HTR7: variants seen among roughly 807,000 people sequenced by gnomAD.
The protein encoded by HTR7 is 5-hydroxytryptamine receptor 7.
A neutral mutation model predicts 34.0 loss-of-function variants in HTR7; 16 were observed. The ratio of observed to expected loss-of-function variants is 0.47; its 90% CI spans 0.32 to 0.71. The LOEUF (loss-of-function observed/expected upper bound fraction) is 0.71. Ranked by LOEUF, HTR7 falls within the 30% of genes least tolerant of loss-of-function variation. The pLI, the probability that HTR7 is intolerant of heterozygous loss-of-function variation, is 0.04. For synonymous variants in HTR7, 265 were observed against 260.2 expected (o/e 1.02, Z -0.18); for missense variants, 504 against 625.5 (o/e 0.81, Z 2.07).
Position 90,771,977 on chromosome 10 carries a change from A to T in HTR7, c.540-22383T>A, listed in dbSNP as rs11186304. Among the ~76,000 whole-genome samples the T allele has an allele frequency of 4.1e-4, 62 of 152,356 alleles. No homozygotes were observed. The East Asian group carries it at 0.011, about 27-fold the overall frequency. ...ACCTAACTTTCAAGGTAAATTTTTT[A>T]AAATAACTTTTTTTTTAGGAAAAAA... is the stretch of plus-strand genomic sequence containing the variant. On this transcript the variant is annotated intron_variant, in intron 1 of 3. Transcript: ENST00000336152.
chr10:90,813,182 G>A (rs886805945), intron 1 of HTR7, among the ~76,000 whole-genome samples: 4 of 151,992 alleles, frequency 2.6e-5, no homozygotes, highest in Admixed American at 6.6e-5. Context: ...GACTTAGCCC[G>A]CCTGCACCCA....
intron 1 of HTR7, among the ~76,000 whole-genome samples, chr10:90,766,586 G>A (rs1845028740): frequency 6.6e-6 from 1 of 152,164 alleles, no homozygotes. Flanking sequence ...TTTTCTGCCT[G>A]TTTTGTAGTT....
chr10:90,822,612 A>G (rs1846002124), intron 1 of HTR7, among the ~76,000 whole-genome samples: 1 of 152,246 alleles, frequency 6.6e-6, no homozygotes, highest in Non-Finnish European at 1.5e-5. Context: ...AAGGAATTTG[A>G]GTTGGTTGCA....
At chr10:90,813,856 C>T (rs1264965533) in intron 1 of HTR7, among the ~76,000 whole-genome samples, 1 of 152,164 alleles carries the variant, frequency 6.6e-6, no homozygotes, top group African/African-American at 2.4e-5. Flanking sequence ...GGTGGGACGA[C>T]CAGCTTCCTC....
chr10:90,816,541 T>C (rs1589464190), intron 1 of HTR7, among the ~76,000 whole-genome samples: 1 of 152,232 alleles, frequency 6.6e-6, no homozygotes, highest in African/African-American at 2.4e-5. Flanking sequence ...CTTCATGATG[T>C]TTTTAGTTAG....
intron 1 of HTR7, among the ~76,000 whole-genome samples, chr10:90,788,052 C>G (rs552349708): frequency 1.3e-5 from 2 of 152,186 alleles, no homozygotes; most frequent in South Asian, 4.2e-4. Context: ...TTAAATTACC[C>G]TTACCCTGAG....
intron 1 of HTR7, among the ~76,000 whole-genome samples, chr10:90,820,499 C>T (rs1845962714): frequency 6.6e-6 from 1 of 152,120 alleles, no homozygotes; most frequent in Non-Finnish European, 1.5e-5. Flanking sequence ...AAGAAATGTG[C>T]CTTCTAGTAA....
intron 1 of HTR7, among the ~76,000 whole-genome samples, chr10:90,822,187 T>C (rs1383434754): frequency 6.6e-6 from 1 of 152,182 alleles, no homozygotes; most frequent in East Asian, 1.9e-4. Flanking sequence ...GTAGGAAAGT[T>C]TGGAACTTCC....
At chr10:90,799,108 T>A (rs909134790) in intron 1 of HTR7, among the ~76,000 whole-genome samples, 8 of 152,222 alleles carry the variant, frequency 5.3e-5, no homozygotes, top group South Asian at 2.1e-4. Context: ...ACCATATAGA[T>A]TGATAAACTG....
intron 1 of HTR7, among the ~76,000 whole-genome samples, chr10:90,797,135 G>A (rs1845552943): frequency 6.6e-6 from 1 of 152,074 alleles, no homozygotes; most frequent in Non-Finnish European, 1.5e-5. Flanking sequence ...AATTTTCTAG[G>A]ATTATTTCTC....
At chr10:90,837,174 C>T (rs535737242) in intron 1 of HTR7, among the ~76,000 whole-genome samples, 4 of 152,280 alleles carry the variant, frequency 2.6e-5, no homozygotes, top group Admixed American at 6.5e-5. Context: ...ATTAATCAGA[C>T]GTGGTCTTGA....
intron 1 of HTR7, among the ~76,000 whole-genome samples, chr10:90,789,968 T>C (rs1189634875): frequency 1.3e-5 from 2 of 152,178 alleles, no homozygotes; most frequent in African/African-American, 2.4e-5. Flanking sequence ...TTCATTTCAT[T>C]ATTTCATTTC....
intron 1 of HTR7, among the ~76,000 whole-genome samples, chr10:90,805,803 A>G (rs1271014667): frequency 1.3e-5 from 2 of 152,224 alleles, no homozygotes; most frequent in African/African-American, 4.8e-5. Flanking sequence ...AAGCACTCTA[A>G]TCAATAGGCT....
chr10:90,795,369 G>A (rs538864996), intron 1 of HTR7, among the ~76,000 whole-genome samples: 21 of 152,172 alleles, frequency 1.4e-4, no homozygotes, highest in African/African-American at 2.9e-4. Flanking sequence ...TTATACGTAC[G>A]GAAAAAAATT....
chr10:90,790,827 T>G (rs962547331), intron 1 of HTR7, among the ~76,000 whole-genome samples: 1 of 151,426 alleles, frequency 6.6e-6, no homozygotes, highest in South Asian at 2.1e-4. Context: ...GAAAGGGAGA[T>G]TGAGGGAGAG....
chr10:90,836,029 G>A (rs971980491), intron 1 of HTR7, among the ~76,000 whole-genome samples: 4 of 152,070 alleles, frequency 2.6e-5, no homozygotes, highest in African/African-American at 9.7e-5. Flanking sequence ...CTCCCCATTC[G>A]CTAAAACATT....
At chr10:90,837,344 A>G (rs1238839588) in intron 1 of HTR7, among the ~76,000 whole-genome samples, 2 of 152,260 alleles carry the variant, frequency 1.3e-5, no homozygotes, top group East Asian at 1.9e-4. Flanking sequence ...CTAGTGGAAT[A>G]TAAGACACTT....
intron 1 of HTR7, among the ~76,000 whole-genome samples, chr10:90,817,625 C>A (rs1317131224): frequency 6.6e-6 from 1 of 152,168 alleles, no homozygotes; most frequent in Non-Finnish European, 1.5e-5. Flanking sequence ...TTCCTGAGAA[C>A]CTCTTTGGAA....
In HTR7 at chr10:90,857,474, A is replaced by G; in HGVS notation, c.198T>C (p.Asn66=). ...PAPTWDAPPD[N]ASGCGEQINY... is the part of the protein sequence containing the mutation. Reference sequence around the variant, plus strand: ...TGATCTGTTCCCCACAGCCGGAGGCATTGTCCGGGGGCGCGTCCCAGGTGG... The same window carrying G: ...TGATCTGTTCCCCACAGCCGGAGGCGTTGTCCGGGGGCGCGTCCCAGGTGG... The change falls in exon 1 of 4, where the codon AAT becomes AAC. Residue 66 remains asparagine (N), a synonymous_variant. Transcript: ENST00000336152. The surrounding 1 kb of genome is among the most constrained non-coding windows in gnomAD (Gnocchi z 6.5). 1 of 1,613,694 alleles carries G rather than the reference A, an allele frequency of 6.2e-7. No individual in the cohort carries two copies. Among genetic ancestry groups the G allele is most frequent in the Non-Finnish European group, 8.5e-7 (1 of 1,180,000 alleles).
Sources: gnomAD v4.1 joint callset for allele counts (sites outside exome capture counted in the v4.1 genomes callset) on GRCh38, gnomAD v4.1.1 for gene constraint, Gnocchi (gnomAD v3.1) non-coding constraint, MANE v1.5 for transcripts, NCBI Gene and HGNC (gene_info 2026-07-23, HGNC 2026-07-21) for gene names.